Variants in ASAP1 observed in about 807,000 individuals in gnomAD.
ASAP1 encodes the protein ArfGAP with SH3 domain, ankyrin repeat and PH domain 1.
ASAP1 carries 43 observed loss-of-function variants against 145.2 expected under a neutral mutation model. That is an observed-to-expected ratio of 0.30 (90% CI 0.23 to 0.38). The LOEUF (loss-of-function observed/expected upper bound fraction) is 0.38, where lower values mean the gene tolerates loss of function less well. Among genes scored for constraint, ASAP1 ranks in the 10% least tolerant of loss-of-function variants. The pLI, the probability that ASAP1 is intolerant of heterozygous loss-of-function variation, is 1.00. For synonymous variants in ASAP1, 546 were observed against 515.5 expected (o/e 1.06, Z -0.80); for missense variants, 1,018 against 1,355.3 (o/e 0.75, Z 3.91).
At chr8:130,064,897 G>A (rs1320511573) in intron 27 of ASAP1, among the ~76,000 whole-genome samples, 5 of 85,554 alleles carry the variant, frequency 5.8e-5, no homozygotes, top group African/African-American at 1.3e-4. Flanking sequence ...CTAAGAATGT[G>A]TGTGTGTGTG....
At chr8:130,282,690 T>C (rs901945723) in intron 3 of ASAP1, among the ~76,000 whole-genome samples, 1 of 152,182 alleles carries the variant, frequency 6.6e-6, no homozygotes, top group Non-Finnish European at 1.5e-5. Flanking sequence ...ATCCACATTA[T>C]TGGGGAAAAT....
intron 24 of ASAP1, among the ~76,000 whole-genome samples, chr8:130,107,816 T>TG (rs1459250207): frequency 6.6e-6 from 1 of 152,202 alleles, no homozygotes; most frequent in Admixed American, 6.5e-5. Flanking sequence ...CCCACAGTGC[T>TG]GGGATTACAG....
chr8:130,247,131 A>G (rs1225464376), intron 3 of ASAP1: 3 of 152,208 alleles, frequency 2.0e-5, no homozygotes, highest in African/African-American at 7.2e-5. Context: ...ACTCTCTCTG[A>G]TACTAAAGGT....
intron 3 of ASAP1, among the ~76,000 whole-genome samples, chr8:130,348,346 T>C (rs1017538424): frequency 1.3e-5 from 2 of 152,256 alleles, no homozygotes; most frequent in Non-Finnish European, 2.9e-5. Flanking sequence ...CTTTACCTCC[T>C]TGGCATATGA....
At chr8:130,262,221 C>A (rs890947946) in intron 3 of ASAP1, among the ~76,000 whole-genome samples, 1 of 151,362 alleles carries the variant, frequency 6.6e-6, no homozygotes, top group Non-Finnish European at 1.5e-5. Context: ...ATCATGAAAC[C>A]CTGTCTCTAC....
chr8:130,404,037 T>C (rs760071607), intron 1 of ASAP1, among the ~76,000 whole-genome samples: 8 of 152,228 alleles, frequency 5.3e-5, no homozygotes, highest in Non-Finnish European at 8.8e-5. Context: ...TCATGGAATT[T>C]ATCTCAGTTT....
intron 5 of ASAP1, among the ~76,000 whole-genome samples, chr8:130,201,008 T>C (rs1473374220): frequency 6.6e-6 from 1 of 152,182 alleles, no homozygotes; most frequent in African/African-American, 2.4e-5. Flanking sequence ...GGTCCTCAAA[T>C]CAGTAGTGTC....
At chr8:130,160,809 G>A in intron 11 of ASAP1, 1 of 1,282,340 alleles carries the variant, frequency 7.8e-7, no homozygotes, top group South Asian at 1.3e-5. Flanking sequence ...ATCAGGAAGG[G>A]CAAAAGAAAC....
At chr8:130,384,029 G>C (rs972653786) in intron 2 of ASAP1, among the ~76,000 whole-genome samples, 32 of 152,178 alleles carry the variant, frequency 2.1e-4, no homozygotes, top group African/African-American at 7.5e-4. Flanking sequence ...ACACTCACCT[G>C]AACTCTTATT....
At chr8:130,187,389 A>G in intron 6 of ASAP1, 104 bp from the exon 7 acceptor site, 2 of 935,162 alleles carry the variant, frequency 2.1e-6, no homozygotes, top group East Asian at 2.6e-5. Flanking sequence ...TTTATAGGAC[A>G]CTGGGAACTT....
chr8:130,357,356 G>A (rs1826384208), intron 3 of ASAP1, among the ~76,000 whole-genome samples: 1 of 152,242 alleles, frequency 6.6e-6, no homozygotes, highest in African/African-American at 2.4e-5. Flanking sequence ...CCTGCGGGCA[G>A]GTCCTGCTGG....
intron 1 of ASAP1, among the ~76,000 whole-genome samples, chr8:130,412,924 G>A (rs989806290): frequency 6.6e-6 from 1 of 152,208 alleles, no homozygotes; most frequent in African/African-American, 2.4e-5. Flanking sequence ...GATTACAGGA[G>A]TGAGCCACTG....
chr8:130,190,036 T>C (rs976498974), intron 5 of ASAP1, among the ~76,000 whole-genome samples: 1 of 152,226 alleles, frequency 6.6e-6, no homozygotes, highest in Non-Finnish European at 1.5e-5. Context: ...TTATATATTC[T>C]GGTTATTAGT....
At chr8:130,075,845 C>T (rs2097461158) in intron 27 of ASAP1, among the ~76,000 whole-genome samples, 1 of 152,216 alleles carries the variant, frequency 6.6e-6, no homozygotes, top group Non-Finnish European at 1.5e-5. Flanking sequence ...CTACTCTGCA[C>T]AACAGATGCC....
At chr8:130,205,922 C>G (rs1485303765) in intron 5 of ASAP1, among the ~76,000 whole-genome samples, 1 of 152,050 alleles carries the variant, frequency 6.6e-6, no homozygotes, top group Non-Finnish European at 1.5e-5. Flanking sequence ...CTGCAGATAT[C>G]TATGCAAATC....
chr8:130,118,526 C>A lies in ASAP1; in HGVS notation c.1757G>T (p.Gly586Val), dbSNP rs1418844595. ...CAGCAGTGGTTCCATTAGCTCTACC[C>A]CTTCTGCATAGACTTGAATTAGTGC... ...LLALIQVYAE[G>V]VELMEPLLEP... The change falls in exon 19 of 30, where the codon GGG becomes GTG. Residue 586 changes from glycine to valine, a missense_variant. By Grantham distance (109) the Gly-to-Val change is moderately radical (BLOSUM62 -3). Coordinates refer to ENST00000518721, the MANE Select transcript of ASAP1 (RefSeq NM_018482.4). 6.2e-7 allele frequency: 1 copy of A among 1,613,642 alleles called. No individual in the cohort carries two copies. Among genetic ancestry groups the A allele is most frequent in the African/African-American group, 1.3e-5 (1 of 74,914 alleles).
intron 3 of ASAP1, among the ~76,000 whole-genome samples, chr8:130,354,111 C>T (rs1290481406): frequency 4.6e-5 from 7 of 152,024 alleles, no homozygotes; most frequent in Admixed American, 2.0e-4. Flanking sequence ...AGGATGGTCT[C>T]GATCTCCTGG....
intron 3 of ASAP1, among the ~76,000 whole-genome samples, chr8:130,242,986 T>G (rs972424042): frequency 6.6e-6 from 1 of 152,128 alleles, no homozygotes; most frequent in African/African-American, 2.4e-5. Flanking sequence ...CTGATGATCA[T>G]CAAACTTGGG....
At chr8:130,102,640 T>TC (rs2097530671) in intron 24 of ASAP1, among the ~76,000 whole-genome samples, 1 of 152,178 alleles carries the variant, frequency 6.6e-6, no homozygotes, top group African/African-American at 2.4e-5. Context: ...TCCTTTGTCT[T>TC]CAATTTTTTT....
Sources: allele counts gnomAD v4.1 joint callset (sites outside exome capture counted in the v4.1 genomes callset), GRCh38; gene constraint gnomAD v4.1.1; transcripts MANE v1.5; gene names NCBI Gene and HGNC (gene_info 2026-07-23, HGNC 2026-07-21).